SYNPR: variants seen among roughly 807,000 people sequenced by gnomAD.
SYNPR encodes synaptoporin.
In SYNPR, 23 loss-of-function variants were observed where a neutral mutation model predicts 32.9. That is an observed-to-expected ratio of 0.70 (90% CI 0.50 to 0.99). The LOEUF is 0.99. SYNPR is among the 50% of genes least tolerant of loss of function. The pLI, the probability that SYNPR is intolerant of heterozygous loss-of-function variation, is 0.00. For synonymous variants in SYNPR, 146 were observed against 135.9 expected, an observed-to-expected ratio of 1.07 and a Z score of -0.52; for missense variants, 318 against 349.3, an observed-to-expected ratio of 0.91 and a Z score of 0.71.
chr3:63,414,699 G>A (rs1173599736), intron 2 of SYNPR, among the ~76,000 whole-genome samples: 3 of 152,136 alleles, frequency 2.0e-5, no homozygotes, highest in Admixed American at 2.0e-4. Context: ...AAATTTATTT[G>A]GAGGAGGAGA....
At position 63,314,052 on chromosome 3, in the gene SYNPR, CATATATATATATATCCATAT is replaced by C. The variant is rs1560189177; in HGVS notation, c.84+35321_84+35340del. 3.7e-3 allele frequency among the ~76,000 whole-genome samples: 163 copies of C among 43,564 alleles called. 38 individuals carry two copies. The highest frequency in any genetic ancestry group is 0.011 in the Middle Eastern group (1 of 92). 28.6% of individuals were successfully genotyped at this position (43,564 alleles called of 152,430 possible). A position where few individuals can be genotyped will look rare whatever the true frequency, so the allele number is the denominator to read the frequency against. ...ATATATATCCATATATATATATATCCATATATATATATATCCATATATATATATATCCATATATATATATA... is the reference window on the plus strand; with the variant it reads ...ATATATATCCATATATATATATATCCATATATATATCCATATATATATATA... On this transcript the variant is annotated intron_variant, in intron 2 of 5. Coordinates refer to ENST00000478300, the MANE Select transcript of SYNPR (RefSeq NM_001130003.2).
chr3:63,524,754 T>A (rs1701975569), intron 3 of SYNPR, among the ~76,000 whole-genome samples: 1 of 152,078 alleles, frequency 6.6e-6, no homozygotes, highest in South Asian at 2.1e-4. Flanking sequence ...TAACTATCAA[T>A]ATCCAATGCT....
intron 2 of SYNPR, among the ~76,000 whole-genome samples, chr3:63,419,546 T>A (rs1289869948): frequency 6.6e-6 from 1 of 152,176 alleles, no homozygotes; most frequent in African/African-American, 2.4e-5. Context: ...GTTTTTTATT[T>A]TTTTTCTAAT....
intron 2 of SYNPR, among the ~76,000 whole-genome samples, chr3:63,433,553 G>A (rs1288785327): frequency 6.6e-6 from 1 of 152,122 alleles, no homozygotes; most frequent in East Asian, 1.9e-4. Flanking sequence ...TTATGGAGGG[G>A]ACACTGAACA....
chr3:63,585,334 A>C (rs189414212), intron 4 of SYNPR, among the ~76,000 whole-genome samples: 3 of 152,096 alleles, frequency 2.0e-5, no homozygotes, highest in African/African-American at 7.2e-5. Context: ...ATATATGATC[A>C]CTTTCTTTGG....
intron 3 of SYNPR, among the ~76,000 whole-genome samples, chr3:63,529,870 G>T (rs1343904210): frequency 2.0e-5 from 3 of 152,120 alleles, no homozygotes; most frequent in Non-Finnish European, 4.4e-5. Flanking sequence ...AGGCGAAAAG[G>T]ATACAATATC....
upstream of SYNPR, among the ~76,000 whole-genome samples, chr3:63,275,074 C>A (rs1341542464): frequency 6.6e-6 from 1 of 152,100 alleles, no homozygotes; most frequent in Non-Finnish European, 1.5e-5. Context: ...TCATTTATGC[C>A]CCACCAAAGT....
At chr3:63,246,279 A>G (rs1389314706) in intron 1 of SYNPR, among the ~76,000 whole-genome samples, 3 of 152,090 alleles carry the variant, frequency 2.0e-5, no homozygotes, top group Non-Finnish European at 2.9e-5. Flanking sequence ...AACTCCCTGG[A>G]GTCCCCCAGA....
chr3:63,507,463 C>T (rs115393180), intron 3 of SYNPR, among the ~76,000 whole-genome samples: 1,695 of 152,162 alleles, frequency 0.011, 36 homozygotes, highest in African/African-American at 0.038. Flanking sequence ...CGAGAAGTAA[C>T]GTGTAAGTAA....
chr3:63,421,793 T>C (rs537127256), intron 2 of SYNPR, among the ~76,000 whole-genome samples: 1 of 152,220 alleles, frequency 6.6e-6, no homozygotes, highest in Non-Finnish European at 1.5e-5. Flanking sequence ...GCTGGAGGAC[T>C]GAGGCCCCAC....
chr3:63,299,419 TTTTTG>T (rs1219652675), intron 2 of SYNPR, among the ~76,000 whole-genome samples: 9 of 152,234 alleles, frequency 5.9e-5, no homozygotes, highest in African/African-American at 1.7e-4. Flanking sequence ...TTGTTTTCTG[TTTTTG>T]TTTTGTTTTG....
At chr3:63,379,726 T>C (rs1376551165) in intron 2 of SYNPR, among the ~76,000 whole-genome samples, 3 of 152,162 alleles carry the variant, frequency 2.0e-5, no homozygotes, top group South Asian at 2.1e-4. Flanking sequence ...TTAGGGTACA[T>C]GTGCACAAGG....
At chr3:63,364,701 T>C (rs1018409735) in intron 2 of SYNPR, among the ~76,000 whole-genome samples, 2 of 152,182 alleles carry the variant, frequency 1.3e-5, no homozygotes, top group South Asian at 2.1e-4. Context: ...CTACTTGTAT[T>C]ATTAAGACTT....
intron 2 of SYNPR, among the ~76,000 whole-genome samples, chr3:63,380,090 A>T (rs554458785): frequency 4.4e-4 from 67 of 151,710 alleles, no homozygotes; most frequent in African/African-American, 1.5e-3. Flanking sequence ...TCTATCATTG[A>T]TGGACATTTG....
Position 63,381,924 on chromosome 3 carries a change from C to T in SYNPR, c.85-98908C>T, listed in dbSNP as rs77496536. Among the ~76,000 whole-genome samples the T allele has an allele frequency of 8.0e-3, 1,212 of 152,180 alleles. 8 individuals carry two copies. Among genetic ancestry groups the T allele is most frequent in the East Asian group, 0.037 (193 of 5,168 alleles). On this transcript the variant is annotated intron_variant, in intron 2 of 5. Transcript: ENST00000478300. Reference sequence around the variant, plus strand: ...AGGGGTTCCTTCAGGCATTTATTTACGCACAACTTAACGAAATCTACTAGT... The same window carrying T: ...AGGGGTTCCTTCAGGCATTTATTTATGCACAACTTAACGAAATCTACTAGT...
intron 3 of SYNPR, among the ~76,000 whole-genome samples, chr3:63,494,421 A>ATATACC (rs1559516278): frequency 4.8e-5 from 1 of 20,890 alleles, no homozygotes; most frequent in Non-Finnish European, 9.0e-5. Context: ...ATATATACGT[A>ATATACC]TATATATATA....
At chr3:63,329,301 T>C (rs1220572672) in intron 2 of SYNPR, among the ~76,000 whole-genome samples, 1 of 152,170 alleles carries the variant, frequency 6.6e-6, no homozygotes, top group East Asian at 1.9e-4. Context: ...ATGGGGTAGC[T>C]ACTCTTCTTA....
At chr3:63,276,620 T>TCCCCCCCCC (rs11398109), upstream of SYNPR, among the ~76,000 whole-genome samples, 33 of 142,018 alleles carry the variant, frequency 2.3e-4, no homozygotes, top group Non-Finnish European at 3.2e-4. Flanking sequence ...TAGTGTTAGT[T>TCCCCCCCCC]CCCCCCACCC....
At chr3:63,478,522 C>A (rs1182832458) in intron 2 of SYNPR, among the ~76,000 whole-genome samples, 1 of 152,164 alleles carries the variant, frequency 6.6e-6, no homozygotes, top group Non-Finnish European at 1.5e-5. Context: ...ATGCTGGACA[C>A]AATGCTTGGC....
Sources: gnomAD v4.1 joint callset for allele counts (sites outside exome capture counted in the v4.1 genomes callset) on GRCh38, gnomAD v4.1.1 for gene constraint, MANE v1.5 for transcripts, NCBI Gene and HGNC (gene_info 2026-07-23, HGNC 2026-07-21) for gene names.